TAFA4: variants seen among roughly 807,000 people sequenced by gnomAD.
The protein encoded by TAFA4 is TAFA chemokine like family member 4, also known as chemokine-like protein TAFA-4.
In TAFA4, 20 loss-of-function variants were observed where a neutral mutation model predicts 21.1. The ratio of observed to expected loss-of-function variants is 0.95; its 90% confidence interval spans 0.67 to 1.38. The LOEUF is 1.38. Ranked by LOEUF, TAFA4 falls within the 40% of genes most tolerant of loss-of-function variation. The pLI is 0.00. For missense variants in TAFA4, 211 were observed against 180.9 expected, an observed-to-expected ratio of 1.17 and a Z score of -0.95; for synonymous variants, 71 against 67.4, an observed-to-expected ratio of 1.05 and a Z score of -0.26.
chr3:68,848,757 C>G (rs1043966085), intron 3 of TAFA4, among the ~76,000 whole-genome samples: 1 of 152,136 alleles, frequency 6.6e-6, no homozygotes, highest in Non-Finnish European at 1.5e-5. Context: ...ACTTCCTACC[C>G]CAAAATAAAG....
chr3:68,867,926 A>C (rs1479579252), intron 3 of TAFA4, among the ~76,000 whole-genome samples: 1 of 152,114 alleles, frequency 6.6e-6, no homozygotes, highest in Non-Finnish European at 1.5e-5. Flanking sequence ...AGACAGTAAC[A>C]AAGGAAGAAA....
rs549082529 is a variant in TAFA4 at position 68,910,394 on chromosome 3, G to T, written c.-123+21846C>A. On this transcript the variant is annotated intron_variant, in intron 1 of 5. Transcript: ENST00000295569. The stretch of plus-strand genomic sequence containing the variant: ...TAATAGTACAGTGGAATCATGATAG[G>T]CACCCTAAATATGCAAACTCACTTT... Among the ~76,000 whole-genome samples the T allele has an allele frequency of 2.6e-5, 4 of 152,258 alleles. No individual in the cohort carries two copies. The South Asian group carries it at 8.3e-4, about 32-fold the overall frequency.
intron 3 of TAFA4, among the ~76,000 whole-genome samples, chr3:68,869,781 T>A (rs2089462403): frequency 6.6e-6 from 1 of 151,958 alleles, no homozygotes; most frequent in South Asian, 2.1e-4. Flanking sequence ...TGAAAGACAT[T>A]TCTCTAAGAT....
chr3:68,872,900 G>C (rs886881581), intron 3 of TAFA4, among the ~76,000 whole-genome samples: 4 of 152,088 alleles, frequency 2.6e-5, no homozygotes, highest in South Asian at 2.1e-4. Flanking sequence ...CAAGCATTTT[G>C]ACTTCATGTT....
At chr3:68,918,252 GT>G (rs1452594922) in intron 1 of TAFA4, among the ~76,000 whole-genome samples, 3 of 152,248 alleles carry the variant, frequency 2.0e-5, no homozygotes, top group East Asian at 3.9e-4. Flanking sequence ...GAGATGGTCA[GT>G]GTGGTTACCT....
chr3:68,869,739 A>G (rs2089461626), intron 3 of TAFA4, among the ~76,000 whole-genome samples: 1 of 151,984 alleles, frequency 6.6e-6, no homozygotes, highest in Non-Finnish European at 1.5e-5. Flanking sequence ...TACGTAACAA[A>G]CCCACAGCTA....
chr3:68,922,902 G>T (rs528912347), intron 1 of TAFA4, among the ~76,000 whole-genome samples: 1 of 152,118 alleles, frequency 6.6e-6, no homozygotes, highest in East Asian at 1.9e-4. Context: ...CATTGTAAAA[G>T]GATTAACTAA....
At position 68,733,030 on chromosome 3, in the gene TAFA4, G is replaced by T; in HGVS notation, c.*112C>A. The T allele has an allele frequency of 4.3e-6, 6 of 1,405,182 alleles. No individual in the cohort carries two copies. Among genetic ancestry groups the T allele is most frequent in the Non-Finnish European group, 5.9e-6 (6 of 1,008,818 alleles). 87.0% of individuals were successfully genotyped at this position (1,405,182 alleles called of 1,614,324 possible). ...TCTCACAGCTCACATATACAAATAT[G>T]AAGTTGCTGAAATCCTAGACAATTT... On this transcript the variant is annotated 3_prime_UTR_variant, in exon 6 of 6. Coordinates refer to ENST00000295569, the MANE Select transcript of TAFA4 (RefSeq NM_182522.5).
intron 3 of TAFA4, among the ~76,000 whole-genome samples, chr3:68,785,617 C>T (rs1219197111): frequency 2.0e-5 from 3 of 152,256 alleles, no homozygotes; most frequent in Non-Finnish European, 2.9e-5. Flanking sequence ...ACAAGCACCG[C>T]GTGCAGCCCC....
chr3:68,894,919 G>C (rs889051196), intron 1 of TAFA4, among the ~76,000 whole-genome samples: 1 of 152,098 alleles, frequency 6.6e-6, no homozygotes, highest in East Asian at 1.9e-4. Context: ...CAATGGCGTG[G>C]TCTCCGCTCA....
At chr3:68,775,405 G>A (rs937532709) in intron 3 of TAFA4, among the ~76,000 whole-genome samples, 9 of 152,044 alleles carry the variant, frequency 5.9e-5, no homozygotes, top group Non-Finnish European at 1.0e-4. Context: ...CCACCTTACC[G>A]CTACACATAC....
chr3:68,765,832 C>A (rs1575600286), intron 3 of TAFA4, among the ~76,000 whole-genome samples: 1 of 152,004 alleles, frequency 6.6e-6, no homozygotes, highest in Admixed American at 6.6e-5. Flanking sequence ...GAAGTGGATA[C>A]CGAGGGGAAG....
intron 4 of TAFA4, among the ~76,000 whole-genome samples, chr3:68,748,968 G>A (rs1203284782): frequency 6.6e-6 from 1 of 152,150 alleles, no homozygotes; most frequent in East Asian, 1.9e-4. Flanking sequence ...TCATAAATGT[G>A]TAGAATATAG....
chr3:68,805,785 T>A (rs1703683075), intron 3 of TAFA4, among the ~76,000 whole-genome samples: 1 of 149,978 alleles, frequency 6.7e-6, no homozygotes, highest in Admixed American at 6.7e-5. Flanking sequence ...AAGGGGAACA[T>A]CACACTCTGG....
At chr3:68,793,870 A>C (rs1022721441) in intron 3 of TAFA4, among the ~76,000 whole-genome samples, 1 of 152,234 alleles carries the variant, frequency 6.6e-6, no homozygotes, top group African/African-American at 2.4e-5. Context: ...ATAACTCAAG[A>C]TGTAACCTTA....
chr3:68,845,216 T>C (rs1704757350), intron 3 of TAFA4, among the ~76,000 whole-genome samples: 1 of 152,232 alleles, frequency 6.6e-6, no homozygotes, highest in Non-Finnish European at 1.5e-5. Flanking sequence ...CATATATATT[T>C]AGGATAATTA....
chr3:68,755,401 G>A (rs902734514), intron 3 of TAFA4, among the ~76,000 whole-genome samples: 1 of 152,124 alleles, frequency 6.6e-6, no homozygotes, highest in Non-Finnish European at 1.5e-5. Context: ...CTCATGGCTC[G>A]ACCTGAGTGA....
intron 3 of TAFA4, among the ~76,000 whole-genome samples, chr3:68,830,429 C>T (rs1704356103): frequency 1.3e-5 from 2 of 152,040 alleles, no homozygotes; most frequent in African/African-American, 2.4e-5. Flanking sequence ...TTATTTCTGC[C>T]TTCATTTCGT....
At chr3:68,777,231 T>A (rs1298676469) in intron 3 of TAFA4, among the ~76,000 whole-genome samples, 1 of 152,042 alleles carries the variant, frequency 6.6e-6, no homozygotes, top group East Asian at 1.9e-4. Flanking sequence ...GATAGAGGCA[T>A]GAAACAAAAG....
Sources: gnomAD v4.1 joint callset for allele counts (sites outside exome capture counted in the v4.1 genomes callset) on GRCh38, gnomAD v4.1.1 for gene constraint, MANE v1.5 for transcripts, NCBI Gene and HGNC (gene_info 2026-07-23, HGNC 2026-07-21) for gene names.